CDKL5: variants seen among roughly 807,000 people sequenced by gnomAD.
CDKL5 encodes cyclin-dependent kinase-like 5.
In CDKL5, 8 loss-of-function variants were observed where a neutral mutation model predicts 61.7. That is an observed-to-expected ratio of 0.13 (90% CI 0.08 to 0.23). CDKL5 has a LOEUF of 0.23. Among genes scored for constraint, CDKL5 ranks in the 10% least tolerant of loss-of-function variants. The pLI, the probability that CDKL5 is intolerant of heterozygous loss-of-function variation, is 1.00. For synonymous variants in CDKL5, 275 were observed against 272.3 expected (o/e 1.01, Z -0.10); for missense variants, 440 against 734.5 (o/e 0.60, Z 4.63).
chrX:18,579,782 A>G, intron 5 of CDKL5, 66 bp from the exon 6 acceptor site: 1 of 1,063,804 alleles, frequency 9.4e-7, no homozygotes, highest in Non-Finnish European at 1.3e-6. Flanking sequence ...ATGCTTTGTA[A>G]AATTGTTAAT....
intron 9 of CDKL5, chrX:18,588,371 A>G (rs1925711879): frequency 2.9e-6 from 1 of 342,340 alleles, no homozygotes; most frequent in East Asian, 5.1e-5. Context: ...TTTAAGTTCC[A>G]GTTTTTCAAA....
chrX:18,477,696 A>G (rs1008370380), intron 1 of CDKL5, among the ~76,000 whole-genome samples: 5 of 111,408 alleles, frequency 4.5e-5, no homozygotes, highest in Admixed American at 1.9e-4. Context: ...AACTCCAGTA[A>G]GATATAGAAA....
chrX:18,475,875 T>C (rs1921289700), intron 1 of CDKL5, among the ~76,000 whole-genome samples: 1 of 112,169 alleles, frequency 8.9e-6, no homozygotes, highest in South Asian at 3.6e-4. Flanking sequence ...TATAGAGTTA[T>C]GTTTACTCAT....
intron 14 of CDKL5, among the ~76,000 whole-genome samples, chrX:18,610,894 A>G (rs1926529241): frequency 9.0e-6 from 1 of 111,398 alleles, no homozygotes; most frequent in Admixed American, 9.5e-5. Flanking sequence ...ACTTCCCACT[A>G]TTTCTGTTGT....
At chrX:18,606,988 G>A (rs1454689208) in intron 12 of CDKL5, among the ~76,000 whole-genome samples, 2 of 111,752 alleles carry the variant, frequency 1.8e-5, no homozygotes, top group Non-Finnish European at 3.8e-5. Context: ...GTGAAAGAGA[G>A]TAGTTTTGAA....
At chrX:18,596,289 A>G (rs1024377917) in intron 10 of CDKL5, among the ~76,000 whole-genome samples, 2 of 110,409 alleles carry the variant, frequency 1.8e-5, no homozygotes, top group African/African-American at 6.6e-5. Flanking sequence ...AACTATGTTA[A>G]TCTGTGTTCC....
chrX:18,618,338 C>T (rs138894052), intron 15 of CDKL5, among the ~76,000 whole-genome samples: 1,327 of 111,619 alleles, frequency 0.012, 8 homozygotes, highest in Middle Eastern at 0.028. Context: ...TTTTCATAAA[C>T]GTATAATTCT....
intron 20 of CDKL5, among the ~76,000 whole-genome samples, chrX:18,648,826 A>G (rs999725166): frequency 1.6e-4 from 18 of 110,928 alleles, no homozygotes; most frequent in African/African-American, 5.9e-4. Flanking sequence ...GCAGTGGCTC[A>G]TGCCTGTAAT....
intron 20 of CDKL5, among the ~76,000 whole-genome samples, chrX:18,646,408 G>A (rs1291151943): frequency 2.7e-5 from 3 of 112,262 alleles, no homozygotes; most frequent in African/African-American, 9.7e-5. Context: ...CCCCCCCTCG[G>A]CCTCCCAAAG....
At chrX:18,594,001 G>C (rs964348322) in intron 9 of CDKL5, among the ~76,000 whole-genome samples, 1 of 112,386 alleles carries the variant, frequency 8.9e-6, no homozygotes, top group African/African-American at 3.2e-5. Flanking sequence ...TTCCCAACCA[G>C]ACAGCAGATT....
chrX:18,652,530 G>A (rs951220992), intron 21 of CDKL5, among the ~76,000 whole-genome samples: 12 of 111,403 alleles, frequency 1.1e-4, no homozygotes, highest in Admixed American at 3.8e-4. Flanking sequence ...TTAGCCGAGC[G>A]CAGTGGTTGG....
chrX:18,573,401 C>T (rs768883605), intron 4 of CDKL5, among the ~76,000 whole-genome samples: 32 of 112,112 alleles, frequency 2.9e-4, no homozygotes, highest in African/African-American at 1.0e-3. Context: ...AGGAAACTGC[C>T]GGTGTTCCTG....
intron 1 of CDKL5, among the ~76,000 whole-genome samples, chrX:18,478,633 T>C (rs1371393445): frequency 1.8e-5 from 2 of 110,032 alleles, no homozygotes; most frequent in South Asian, 3.9e-4. Context: ...ATTAATTTTA[T>C]TGAGGATTCT....
At chrX:18,514,210 C>A (rs1922927722) in intron 3 of CDKL5, among the ~76,000 whole-genome samples, 1 of 110,832 alleles carries the variant, frequency 9.0e-6, no homozygotes, top group Non-Finnish European at 1.9e-5. Context: ...ATCATACTTC[C>A]TAATTTACTG....
intron 5 of CDKL5, among the ~76,000 whole-genome samples, chrX:18,577,983 G>A (rs145327051): frequency 8.9e-6 from 1 of 112,199 alleles, no homozygotes; most frequent in African/African-American, 3.2e-5. Context: ...CATTTACCAC[G>A]CTATAAAGGT....
chrX:18,608,670 T>C (rs1926441770), intron 12 of CDKL5, 141 bp from the exon 13 acceptor site: 1 of 488,646 alleles, frequency 2.0e-6, no homozygotes, highest in African/African-American at 2.3e-5. Context: ...TATTCACTTT[T>C]ATGGGACTAT....
At chrX:18,623,847 T>C (rs977799258) in intron 16 of CDKL5, 146 of 727,724 alleles carry the variant, frequency 2.0e-4, no homozygotes, top group Non-Finnish European at 2.1e-4. Flanking sequence ...TTTTTTTTTT[T>C]GCAATTAGTT....
At chrX:18,520,750 T>C (rs1451397021) in intron 3 of CDKL5, among the ~76,000 whole-genome samples, 1 of 111,355 alleles carries the variant, frequency 9.0e-6, no homozygotes, top group African/African-American at 3.3e-5. Flanking sequence ...TCCTCCTCCT[T>C]CTCCTCCTCC....
intron 3 of CDKL5, among the ~76,000 whole-genome samples, chrX:18,522,618 T>G (rs751627017): frequency 9.1e-6 from 1 of 109,522 alleles, no homozygotes; most frequent in East Asian, 2.9e-4. Context: ...GTGCTAGGAT[T>G]GCAAGCGTAA....
Sources: allele counts gnomAD v4.1 joint callset (sites outside exome capture counted in the v4.1 genomes callset), GRCh38; gene constraint gnomAD v4.1.1; transcripts MANE v1.5; gene names NCBI Gene and HGNC (gene_info 2026-07-23, HGNC 2026-07-21).